LMO7: variants seen among roughly 807,000 people sequenced by gnomAD.
LMO7 encodes LIM domain only protein 7.
Under a neutral mutation model 206.5 loss-of-function variants are expected in LMO7, and 120 were observed. That is an observed-to-expected ratio of 0.58 (90% CI 0.50 to 0.68). LMO7 has a LOEUF of 0.68. Ranked by LOEUF, LMO7 falls within the 30% of genes least tolerant of loss-of-function variation. The pLI is 0.00. For synonymous variants in LMO7, 706 were observed against 681.5 expected, an observed-to-expected ratio of 1.04 and a Z score of -0.56; for missense variants, 1,959 against 1,957.9, an observed-to-expected ratio of 1.00 and a Z score of -0.01.
At chr13:75,686,139 A>C (rs1046445777) in intron 1 of LMO7, among the ~76,000 whole-genome samples, 1 of 151,960 alleles carries the variant, frequency 6.6e-6, no homozygotes, top group Non-Finnish European at 1.5e-5. Flanking sequence ...TCAGCCTCCT[A>C]AAGTGCTGGG....
intron 1 of LMO7, among the ~76,000 whole-genome samples, chr13:75,683,795 C>T (rs1263604267): frequency 1.3e-5 from 2 of 152,106 alleles, no homozygotes; most frequent in Non-Finnish European, 2.9e-5. Context: ...TGTGACAACT[C>T]AGTGCAAGGG....
chr13:75,856,050 A>C (rs1369994187), intron 29 of LMO7, among the ~76,000 whole-genome samples: 1 of 152,144 alleles, frequency 6.6e-6, no homozygotes, highest in Non-Finnish European at 1.5e-5. Flanking sequence ...GGCACATGGA[A>C]TCGAAATATC....
At chr13:75,840,978 C>T (rs1486980429) in intron 22 of LMO7, 131 bp from the exon 23 acceptor site, 1 of 631,606 alleles carries the variant, frequency 1.6e-6, no homozygotes, top group East Asian at 2.8e-5. Flanking sequence ...ATCTGATTGG[C>T]TTATGAAAAT....
chr13:75,750,685 C>T (rs2047206402), intron 3 of LMO7, among the ~76,000 whole-genome samples: 1 of 152,184 alleles, frequency 6.6e-6, no homozygotes, highest in African/African-American at 2.4e-5. Flanking sequence ...GCATGAACCA[C>T]CACTGGCCGG....
chr13:75,819,734 C>A (rs1405929063), intron 13 of LMO7, among the ~76,000 whole-genome samples, 199 bp downstream of exon 13: 9 of 152,086 alleles, frequency 5.9e-5, no homozygotes, highest in Admixed American at 5.9e-4. Flanking sequence ...GTAATAGTAA[C>A]AAAATAAATG....
intron 3 of LMO7, among the ~76,000 whole-genome samples, chr13:75,737,785 A>AATAAAAT: frequency 1.0e-5 from 1 of 96,854 alleles, no homozygotes; most frequent in Non-Finnish European, 2.4e-5. Context: ...AATAAAATAA[A>AATAAAAT]AAAAAAAAAA....
chr13:75,843,197 A>C (rs2059692602), intron 25 of LMO7, among the ~76,000 whole-genome samples: 1 of 152,188 alleles, frequency 6.6e-6, no homozygotes, highest in Non-Finnish European at 1.5e-5. Flanking sequence ...CTACCTATTA[A>C]CTAGGCAGCT....
intron 25 of LMO7, among the ~76,000 whole-genome samples, chr13:75,843,331 A>G (rs1026305685): frequency 1.3e-5 from 2 of 152,184 alleles, no homozygotes; most frequent in African/African-American, 4.8e-5. Context: ...GGGAAAGAGA[A>G]TTAAAGAGAG....
chr13:75,685,030 T>G (rs1028503564), intron 1 of LMO7, among the ~76,000 whole-genome samples: 3 of 152,330 alleles, frequency 2.0e-5, no homozygotes, highest in African/African-American at 7.2e-5. Context: ...CGCCTATCTT[T>G]AGCTATTCAG....
At chr13:75,774,673 GTTTTA>G (rs200053990) in intron 4 of LMO7, among the ~76,000 whole-genome samples, 2,240 of 151,992 alleles carry the variant, frequency 0.015, 19 homozygotes, top group Middle Eastern at 0.041. Context: ...TTATCTGAAT[GTTTTA>G]AAATCATTTG....
At position 75,668,232 on chromosome 13, in the gene LMO7, CA is replaced by C. The variant is rs200395337; in HGVS notation, c.69+31510del. ...CGAAAAAGAACCAAAAAACAAAAAA[CA>C]AAACCAGGCAGTTAATTTACCTGGA... is the stretch of plus-strand genomic sequence containing the variant. On this transcript the variant is annotated intron_variant, in intron 1 of 30. Coordinates refer to ENST00000377534, the MANE Select transcript of LMO7 (RefSeq NM_001306080.2). 8.6e-3 allele frequency among the ~76,000 whole-genome samples: 1,311 copies of C among 152,064 alleles called. 17 individuals are homozygous for C. The highest frequency in any genetic ancestry group is 0.029 in the African/African-American group (1,199 of 41,456).
At chr13:75,637,110 T>C (rs1297456455) in intron 1 of LMO7, among the ~76,000 whole-genome samples, 2 of 146,644 alleles carry the variant, frequency 1.4e-5, no homozygotes, top group South Asian at 2.2e-4. Context: ...TCGGGTGCAT[T>C]CCCTCGGGGT....
At chr13:75,759,903 C>T (rs796980856) in intron 3 of LMO7, among the ~76,000 whole-genome samples, 46 of 152,198 alleles carry the variant, frequency 3.0e-4, no homozygotes, top group African/African-American at 9.1e-4. Context: ...AGGAGGCTCA[C>T]GCCATAGAGG....
intron 3 of LMO7, among the ~76,000 whole-genome samples, chr13:75,743,216 A>G (rs979564836): frequency 6.6e-5 from 10 of 152,218 alleles, no homozygotes; most frequent in Non-Finnish European, 1.5e-4. Context: ...AAGTCAAAAA[A>G]TAACAGGTGC....
rs76411919 is a variant in LMO7, at chr13:75,816,288, G to C, written c.1947-873G>C. ...TTAAAGTCAGGAGAGCAGTATAAAA[G>C]GTCAGTAGGAAAGAGCTTCAAAGGC... On this transcript the variant is annotated intron_variant, in intron 11 of 30. Coordinates refer to ENST00000377534, the MANE Select transcript of LMO7 (RefSeq NM_001306080.2). Among the ~76,000 whole-genome samples, 381 of 152,330 alleles carry C rather than the reference G, an allele frequency of 2.5e-3. 3 individuals are homozygous for C. Among genetic ancestry groups the C allele is most frequent in the African/African-American group, 8.2e-3 (342 of 41,580 alleles).
chr13:75,842,289 A>T (rs1238114284), intron 24 of LMO7, among the ~76,000 whole-genome samples: 1 of 152,024 alleles, frequency 6.6e-6, no homozygotes, highest in East Asian at 1.9e-4. Context: ...TTCCAGCCCC[A>T]TTGGCCTCCT....
At chr13:75,751,832 T>C (rs1297357522) in intron 3 of LMO7, among the ~76,000 whole-genome samples, 2 of 152,186 alleles carry the variant, frequency 1.3e-5, no homozygotes, top group East Asian at 3.9e-4. Flanking sequence ...ATCTTATGAG[T>C]AGACATTTCT....
At chr13:75,674,745 G>T (rs905755023) in intron 1 of LMO7, among the ~76,000 whole-genome samples, 1 of 152,168 alleles carries the variant, frequency 6.6e-6, no homozygotes, top group African/African-American at 2.4e-5. Context: ...GAATACAATG[G>T]TGTCTCAAAT....
chr13:75,809,325 T>G (rs2055984907), intron 11 of LMO7, 142 bp downstream of exon 11: 1 of 663,816 alleles, frequency 1.5e-6, no homozygotes, highest in African/African-American at 1.9e-5. Flanking sequence ...ATGTTTATCT[T>G]GCAACCTAAT....
Sources: gnomAD v4.1 joint callset for allele counts (sites outside exome capture counted in the v4.1 genomes callset) on GRCh38, gnomAD v4.1.1 for gene constraint, MANE v1.5 for transcripts, NCBI Gene and HGNC (gene_info 2026-07-23, HGNC 2026-07-21) for gene names.